RBMS3: variants seen among roughly 807,000 people sequenced by gnomAD.
RBMS3 encodes RNA binding motif single stranded interacting protein 3.
A neutral mutation model predicts 66.8 loss-of-function variants in RBMS3; 27 were observed. The ratio of observed to expected loss-of-function variants is 0.40; its 90% confidence interval spans 0.30 to 0.56. The LOEUF (loss-of-function observed/expected upper bound fraction) is 0.56. Ranked by LOEUF, RBMS3 falls within the 20% of genes least tolerant of loss-of-function variation. The pLI is 0.40. For synonymous variants in RBMS3, 188 were observed against 183.0 expected (o/e 1.03, Z -0.22); for missense variants, 513 against 549.5 (o/e 0.93, Z 0.66).
At chr3:29,692,712 C>A (rs2052085333) in intron 4 of RBMS3, among the ~76,000 whole-genome samples, 1 of 152,172 alleles carries the variant, frequency 6.6e-6, no homozygotes, top group Non-Finnish European at 1.5e-5. Flanking sequence ...ATGTGAATAG[C>A]TATATTGTTC....
intron 1 of RBMS3, among the ~76,000 whole-genome samples, chr3:29,343,114 C>G (rs76752090): frequency 6.6e-6 from 1 of 151,994 alleles, no homozygotes; most frequent in Non-Finnish European, 1.5e-5. Context: ...ATGTTTGTAT[C>G]CATATTGTTG....
chr3:29,991,039 A>G (rs2197896), intron 13 of RBMS3, 43 bp from the exon 14 acceptor site: 179,469 of 1,598,092 alleles, frequency 0.11, 29,407 homozygotes, highest in African/African-American at 0.71. Context: ...AGGGCCCTTC[A>G]CTGAAGCAAG....
chr3:29,673,263 T>C (rs2051084853), intron 4 of RBMS3, among the ~76,000 whole-genome samples: 2 of 152,104 alleles, frequency 1.3e-5, no homozygotes, highest in Non-Finnish European at 1.5e-5. Flanking sequence ...TAGAGAGAAA[T>C]TTATAGCACT....
chr3:29,445,438 C>T (rs112807387), intron 2 of RBMS3, among the ~76,000 whole-genome samples: 3,339 of 151,850 alleles, frequency 0.022, 58 homozygotes, highest in Non-Finnish European at 0.034. Flanking sequence ...TTTATTTTTG[C>T]CTGAGCCGTC....
chr3:29,325,117 G>A (rs2035242291), intron 1 of RBMS3, among the ~76,000 whole-genome samples: 1 of 152,070 alleles, frequency 6.6e-6, no homozygotes, highest in Admixed American at 6.5e-5. Context: ...CTCTGTAACT[G>A]TAGAAAAGAA....
At position 29,864,953 on chromosome 3, in the gene RBMS3, GAAGGAAGA is replaced by G. The variant is rs377530171; in HGVS notation, c.638-3897_638-3890del. ...AAGAGAGAGAGAGGAAGGAGGGAAG[GAAGGAAGA>G]AAGGAAGGAAGGGAGGGAGGGAGGA... On this transcript the variant is annotated intron_variant, in intron 6 of 14. Coordinates refer to ENST00000383767, the MANE Select transcript of RBMS3 (RefSeq NM_001003793.3). Among the ~76,000 whole-genome samples, 272 of 104,178 alleles carry G rather than the reference GAAGGAAGA, an allele frequency of 2.6e-3. 3 individuals carry two copies. The highest frequency in any genetic ancestry group is 3.2e-3 in the Non-Finnish European group (170 of 53,590). The allele number at this position is 104,178 out of a possible 152,430, so 68.3% of individuals were successfully genotyped here. A position where few individuals can be genotyped will look rare whatever the true frequency, so the allele number is the denominator to read the frequency against.
intron 1 of RBMS3, among the ~76,000 whole-genome samples, chr3:29,353,233 T>A (rs918594330): frequency 6.6e-6 from 1 of 151,942 alleles, no homozygotes; most frequent in African/African-American, 2.4e-5. Context: ...CAGAGCAGTA[T>A]CAAATTATGG....
intron 3 of RBMS3, among the ~76,000 whole-genome samples, chr3:29,509,900 A>C (rs886556258): frequency 1.4e-4 from 22 of 152,254 alleles, no homozygotes; most frequent in African/African-American, 5.1e-4. Flanking sequence ...TTGCACGTGA[A>C]GTAGTTGTCC....
At chr3:29,925,138 C>G (rs2060900587) in intron 10 of RBMS3, 1 of 152,152 alleles carries the variant, frequency 6.6e-6, no homozygotes, top group Non-Finnish European at 1.5e-5. Flanking sequence ...GCAAGAAAGA[C>G]TTTTTTAAAA....
chr3:29,518,506 T>C (rs1438072589), intron 3 of RBMS3, among the ~76,000 whole-genome samples: 1 of 152,204 alleles, frequency 6.6e-6, no homozygotes. Flanking sequence ...ATCTATTGTA[T>C]AGTAAAAGAA....
intron 5 of RBMS3, among the ~76,000 whole-genome samples, chr3:29,743,547 G>T (rs2054733009): frequency 6.6e-6 from 1 of 152,106 alleles, no homozygotes; most frequent in South Asian, 2.1e-4. Flanking sequence ...GTGTTCAGCA[G>T]TCTGTAATCT....
chr3:29,370,666 C>T (rs1007470862), intron 1 of RBMS3, among the ~76,000 whole-genome samples: 2 of 152,116 alleles, frequency 1.3e-5, no homozygotes, highest in Non-Finnish European at 2.9e-5. Context: ...TTGCCTGGAC[C>T]GTGCTTCTAG....
chr3:29,774,528 T>G (rs1411486344), intron 6 of RBMS3, among the ~76,000 whole-genome samples: 3 of 152,078 alleles, frequency 2.0e-5, no homozygotes, highest in Non-Finnish European at 4.4e-5. Context: ...GAAACTAATA[T>G]GTTTTTACAC....
intron 1 of RBMS3, among the ~76,000 whole-genome samples, chr3:29,324,477 T>C (rs755936058): frequency 6.6e-5 from 10 of 152,230 alleles, no homozygotes; most frequent in Admixed American, 3.3e-4. Context: ...CCTGGATGAC[T>C]GGCTTGCTAC....
chr3:29,560,055 G>A (rs2046494957), intron 3 of RBMS3, among the ~76,000 whole-genome samples: 1 of 152,136 alleles, frequency 6.6e-6, no homozygotes, highest in Non-Finnish European at 1.5e-5. Context: ...AGATGATTGT[G>A]TATCTACATG....
intron 4 of RBMS3, among the ~76,000 whole-genome samples, chr3:29,739,079 G>GT (rs1450350206): frequency 1.3e-5 from 2 of 152,190 alleles, no homozygotes; most frequent in African/African-American, 4.8e-5. Flanking sequence ...TGTGATGGTA[G>GT]TAAGAGTGGT....
intron 6 of RBMS3, among the ~76,000 whole-genome samples, chr3:29,782,510 G>A (rs1271653281): frequency 6.6e-6 from 1 of 152,158 alleles, no homozygotes; most frequent in Admixed American, 6.5e-5. Context: ...AGCATCCCGT[G>A]GGACAAAAGA....
chr3:29,718,728 A>G (rs2053514409), intron 4 of RBMS3, among the ~76,000 whole-genome samples: 1 of 152,178 alleles, frequency 6.6e-6, no homozygotes, highest in African/African-American at 2.4e-5. Flanking sequence ...GTAACAGTCT[A>G]TGACTCTCTA....
chr3:29,282,316 T>C (rs2031878341), intron 1 of RBMS3, among the ~76,000 whole-genome samples: 1 of 152,158 alleles, frequency 6.6e-6, no homozygotes, highest in African/African-American at 2.4e-5. Flanking sequence ...TTTTATTTTA[T>C]GTTGAGGATG....
Sources: allele counts gnomAD v4.1 joint callset (sites outside exome capture counted in the v4.1 genomes callset), GRCh38; gene constraint gnomAD v4.1.1; transcripts MANE v1.5; gene names NCBI Gene and HGNC (gene_info 2026-07-23, HGNC 2026-07-21).